The following STAG2 variants were observed in gnomAD, a reference collection of about 807,000 sequenced individuals.
The protein encoded by STAG2 is cohesin subunit SA-2.
A neutral mutation model predicts 108.1 loss-of-function variants in STAG2; 14 were observed. The ratio of observed to expected loss-of-function variants is 0.13; its 90% CI spans 0.09 to 0.20. The LOEUF is 0.20. Among genes scored for constraint, STAG2 ranks in the 10% least tolerant of loss-of-function variants. STAG2 has a pLI of 1.00. For missense variants in STAG2, 440 were observed against 940.9 expected, an observed-to-expected ratio of 0.47 and a Z score of 6.96; for synonymous variants, 307 against 302.7, an observed-to-expected ratio of 1.01 and a Z score of -0.15.
chrX:124,094,012 C>T lies in STAG2; in HGVS notation c.3579-6C>T, dbSNP rs367954513. The T allele has an allele frequency of 6.6e-6, 8 of 1,207,678 alleles. No individual in the cohort carries two copies. The highest frequency in any genetic ancestry group is 8.9e-6 in the Non-Finnish European group (8 of 894,214). On this transcript the variant is annotated splice_region_variant and splice_polypyrimidine_tract_variant and intron_variant, in intron 32 of 34. Coordinates refer to ENST00000371145, the MANE Select transcript of STAG2 (RefSeq NM_001042750.2). The stretch of plus-strand genomic sequence containing the variant: ...CAGATCTTGACTTTGTTTTATATTT[C>T]TCTAGTCGGCGTGGCACAAGCCTAA...
At chrX:124,062,789 G>T in intron 17 of STAG2, 113 bp from the exon 18 acceptor site, 1 of 505,575 alleles carries the variant, frequency 2.0e-6, no homozygotes, top group Non-Finnish European at 3.1e-6. Context: ...AAATTTTTGT[G>T]TCCATCTCTT....
At chrX:124,038,506 G>T (rs1372920781) in intron 6 of STAG2, among the ~76,000 whole-genome samples, 1 of 110,794 alleles carries the variant, frequency 9.0e-6, no homozygotes, top group Non-Finnish European at 1.9e-5. Flanking sequence ...CGTTAAGATG[G>T]TAAAGAATGA....
intron 24 of STAG2, among the ~76,000 whole-genome samples, chrX:124,070,276 GA>G (rs1490727704): frequency 1.1e-4 from 12 of 111,862 alleles, no homozygotes; most frequent in Non-Finnish European, 3.8e-5. Flanking sequence ...GTAGTTAGGA[GA>G]AGAGACTGAA....
intron 1 of STAG2, among the ~76,000 whole-genome samples, chrX:123,993,325 C>T (rs774741555): frequency 2.7e-5 from 3 of 111,558 alleles, no homozygotes; most frequent in East Asian, 5.6e-4. Flanking sequence ...TAAAGAAAAT[C>T]GGGGAAGATC....
chrX:124,049,262 T>C (rs988625338), intron 10 of STAG2, among the ~76,000 whole-genome samples, 184 bp downstream of exon 10: 6 of 111,631 alleles, frequency 5.4e-5, no homozygotes, highest in Middle Eastern at 4.7e-3. Flanking sequence ...GTTTGGTGTT[T>C]CCCATCTGAA....
chrX:124,016,001 G>A (rs2056711748), intron 1 of STAG2, among the ~76,000 whole-genome samples: 1 of 112,009 alleles, frequency 8.9e-6, no homozygotes, highest in African/African-American at 3.2e-5. Flanking sequence ...CTAATCTTGA[G>A]TAGGCAAACA....
chrX:124,061,973 A>G, intron 17 of STAG2, 99 bp downstream of exon 17: 1 of 664,066 alleles, frequency 1.5e-6, no homozygotes, highest in Non-Finnish European at 2.2e-6. Context: ...ATTTTGTTTT[A>G]TTTTTCAGAC....
intron 1 of STAG2, among the ~76,000 whole-genome samples, chrX:123,983,974 C>CTTTTCTT (rs1168788249): frequency 3.3e-5 from 2 of 61,478 alleles, no homozygotes; most frequent in Non-Finnish European, 5.5e-5. Flanking sequence ...CTTTTCTTTT[C>CTTTTCTT]TTTTTTTTTT....
At chrX:124,006,434 CTAT>C (rs1489910979) in intron 1 of STAG2, among the ~76,000 whole-genome samples, 4 of 76,045 alleles carry the variant, frequency 5.3e-5, no homozygotes, top group Non-Finnish European at 9.6e-5. Flanking sequence ...GGTGTTGTCA[CTAT>C]TTTTTTTTTT....
In STAG2 at chrX:124,051,218, A is replaced by G; in HGVS notation, c.1115A>G (p.Lys372Arg). The change falls in exon 12 of 35, where the codon AAG becomes AGG. Residue 372 changes from lysine (K) to arginine (R), a missense_variant and splice_region_variant. Physicochemically the swap from Lys to Arg is conservative, Grantham distance 26 (BLOSUM62 2). Around this residue, in one of 3 missense-constraint regions of STAG2, gnomAD observed 69 missense variants for 254.9 expected, o/e 0.27. Transcript: ENST00000371145. Reference sequence around the variant, plus strand: ...CTGGAACTTTTTACCAGTCGGTTCAAGGTTAGTATTACTTAAGAATTTACA... The same window carrying G: ...CTGGAACTTTTTACCAGTCGGTTCAGGGTTAGTATTACTTAAGAATTTACA... ...SKLELFTSRF[K>R]DRIVSMTLDK... The G allele has an allele frequency of 8.5e-7, 1 of 1,172,898 alleles. No individual in the cohort carries two copies. Among genetic ancestry groups the G allele is most frequent in the Non-Finnish European group, 1.1e-6 (1 of 870,689 alleles).
At chrX:124,009,473 AGAT>A (rs1233187053) in intron 1 of STAG2, among the ~76,000 whole-genome samples, 19 of 110,203 alleles carry the variant, frequency 1.7e-4, no homozygotes, top group African/African-American at 5.9e-4. Flanking sequence ...ATAGATAGAT[AGAT>A]ATCTCTTCTT....
intron 1 of STAG2, among the ~76,000 whole-genome samples, chrX:124,013,661 C>A (rs142326433): frequency 0.018 from 1,949 of 110,978 alleles, 47 homozygotes; most frequent in African/African-American, 0.06. Context: ...TAGCAGCAGC[C>A]AGTGCCAGTA....
chrX:124,006,915 C>T (rs2056320655), intron 1 of STAG2, among the ~76,000 whole-genome samples: 1 of 111,499 alleles, frequency 9.0e-6, no homozygotes, highest in Non-Finnish European at 1.9e-5. Flanking sequence ...CTTGCCTTCT[C>T]CTATAGTATA....
intron 1 of STAG2, among the ~76,000 whole-genome samples, chrX:124,019,067 T>G (rs1209676251): frequency 9.9e-6 from 1 of 101,183 alleles, no homozygotes; most frequent in Non-Finnish European, 2.0e-5. Flanking sequence ...TTTTTTTTTT[T>G]TTTTTTTATT....
intron 2 of STAG2, 88 bp from the exon 3 acceptor site, chrX:124,022,443 C>T (rs1280787281): frequency 2.6e-6 from 1 of 382,538 alleles, no homozygotes; most frequent in Non-Finnish European, 4.5e-6. Flanking sequence ...CATTAGTAGG[C>T]ACTGGGGAAT....
intron 30 of STAG2, among the ~76,000 whole-genome samples, chrX:124,089,444 A>C (rs1296206313): frequency 1.8e-5 from 2 of 111,400 alleles, no homozygotes; most frequent in Non-Finnish European, 3.8e-5. Flanking sequence ...ATTTGTATAG[A>C]TTTGTGGCCC....
chrX:124,097,372 T>C (rs1243749218), intron 34 of STAG2, among the ~76,000 whole-genome samples: 1 of 110,743 alleles, frequency 9.0e-6, no homozygotes, highest in African/African-American at 3.3e-5. Flanking sequence ...CTGAAGTTTA[T>C]GGTTTTCTTG....
chrX:123,987,987 T>C (rs1246378404), intron 1 of STAG2, among the ~76,000 whole-genome samples: 4 of 111,973 alleles, frequency 3.6e-5, no homozygotes, highest in Non-Finnish European at 7.5e-5. Flanking sequence ...TACAAAGTCA[T>C]ACAGGCATAT....
intron 1 of STAG2, among the ~76,000 whole-genome samples, chrX:123,988,096 G>A (rs2055281758): frequency 9.0e-6 from 1 of 111,682 alleles, no homozygotes; most frequent in Admixed American, 9.5e-5. Context: ...AGATAATTTT[G>A]TGTAATAAAG....
Sources: allele counts gnomAD v4.1 joint callset (sites outside exome capture counted in the v4.1 genomes callset), GRCh38; gene constraint gnomAD v4.1.1; regional missense constraint gnomAD v4.1.1; transcripts MANE v1.5; gene names NCBI Gene and HGNC (gene_info 2026-07-23, HGNC 2026-07-21).